The following ABCA13 variants were observed in gnomAD, a reference collection of about 807,000 sequenced individuals.
The protein encoded by ABCA13 is ATP-binding cassette sub-family A member 13.
Under a neutral mutation model 478.7 loss-of-function variants are expected in ABCA13, and 476 were observed. That is an observed-to-expected ratio of 0.99 (90% CI 0.92 to 1.07). The LOEUF (loss-of-function observed/expected upper bound fraction) is 1.07. ABCA13 is among the 50% of genes least tolerant of loss of function. The pLI is 0.00. For missense variants in ABCA13, 6,060 were observed against 5,910.6 expected (o/e 1.03, Z -0.83); for synonymous variants, 2,252 against 2,158.9 (o/e 1.04, Z -1.20).
rs1797139879 is a variant in ABCA13 at position 48,282,168 on chromosome 7, C to T, written c.8836+716C>T. On this transcript the variant is annotated intron_variant, in intron 19 of 61. Transcript: ENST00000435803. ...CTGCTAAGATGATACTTGCCAAATC[C>T]ATTCCTGCACATTTCAGTGCAATCT... Among the ~76,000 whole-genome samples, 6 of 152,306 alleles carry T rather than the reference C, an allele frequency of 3.9e-5. No individual in the cohort carries two copies. In the South Asian group the frequency reaches 1.0e-3, roughly 26 times the overall value.
At chr7:48,511,576 A>AT (rs898227524) in intron 51 of ABCA13, among the ~76,000 whole-genome samples, 5 of 152,056 alleles carry the variant, frequency 3.3e-5, no homozygotes, top group African/African-American at 1.2e-4. Context: ...GCTCTCTGGC[A>AT]TTTTTTCTCC....
intron 51 of ABCA13, among the ~76,000 whole-genome samples, chr7:48,513,943 G>T (rs1440806178): frequency 6.6e-6 from 1 of 152,080 alleles, no homozygotes; most frequent in Non-Finnish European, 1.5e-5. Flanking sequence ...CTTCATTTAG[G>T]ACAATGTCTC....
At chr7:48,458,945 G>T (rs976787989) in intron 43 of ABCA13, among the ~76,000 whole-genome samples, 2 of 152,194 alleles carry the variant, frequency 1.3e-5, no homozygotes, top group Admixed American at 6.5e-5. Context: ...GAGGGAGGAG[G>T]AGAAGTATGG....
chr7:48,642,590 C>A (rs1795172651), intron 59 of ABCA13, among the ~76,000 whole-genome samples: 1 of 152,094 alleles, frequency 6.6e-6, no homozygotes, highest in Admixed American at 6.5e-5. Flanking sequence ...CCAACACCAC[C>A]TGAGATAAGG....
At chr7:48,551,569 T>C (rs974564638) in intron 55 of ABCA13, among the ~76,000 whole-genome samples, 12 of 151,738 alleles carry the variant, frequency 7.9e-5, no homozygotes, top group African/African-American at 2.9e-4. Context: ...GCTTTTAGGT[T>C]ATTACTTTAT....
intron 55 of ABCA13, among the ~76,000 whole-genome samples, chr7:48,569,669 C>A (rs1787418590): frequency 1.3e-5 from 2 of 152,184 alleles, no homozygotes; most frequent in South Asian, 4.1e-4. Context: ...GGAATACAGG[C>A]ATCTGCCACC....
intron 55 of ABCA13, among the ~76,000 whole-genome samples, chr7:48,568,254 A>T (rs1253737286): frequency 6.6e-6 from 1 of 152,094 alleles, no homozygotes. Flanking sequence ...TGGAAATTCC[A>T]TATAAATAGG....
At chr7:48,642,373 A>G (rs568289265) in intron 59 of ABCA13, among the ~76,000 whole-genome samples, 2 of 152,288 alleles carry the variant, frequency 1.3e-5, no homozygotes, top group African/African-American at 4.8e-5. Flanking sequence ...TTCCCCCAGC[A>G]ATGCTTTGTA....
chr7:48,379,072 A>G (rs1272262847), intron 35 of ABCA13, among the ~76,000 whole-genome samples: 1 of 152,272 alleles, frequency 6.6e-6, no homozygotes, highest in Admixed American at 6.5e-5. Context: ...AATTTAAAAA[A>G]AATCAAAGCT....
At chr7:48,342,398 G>A (rs1807379994) in intron 29 of ABCA13, among the ~76,000 whole-genome samples, 1 of 152,034 alleles carries the variant, frequency 6.6e-6, no homozygotes, top group Admixed American at 6.5e-5. Flanking sequence ...TGTCCACTTA[G>A]GCTTTATATA....
At chr7:48,330,565 C>A (rs1477658920) in intron 27 of ABCA13, among the ~76,000 whole-genome samples, 1 of 145,670 alleles carries the variant, frequency 6.9e-6, no homozygotes, top group African/African-American at 2.6e-5. Context: ...ATCCACACAT[C>A]CATCCATCCA....
In ABCA13 at chr7:48,439,292, T is replaced by A. The variant is rs989036545; in HGVS notation, c.12565+11421T>A. Among the ~76,000 whole-genome samples the A allele has an allele frequency of 2.3e-4, 35 of 152,166 alleles. 1 individual carries two copies. Among genetic ancestry groups the A allele is most frequent in the Admixed American group, 2.1e-3 (32 of 15,270 alleles). ...ATCAGTTCCTTGAGGTGCCCATTTTTTGGCTGGCTGTCAGCTGGGGGCTGC... is the reference window on the plus strand; with the variant it reads ...ATCAGTTCCTTGAGGTGCCCATTTTATGGCTGGCTGTCAGCTGGGGGCTGC... On this transcript the variant is annotated intron_variant, in intron 42 of 61. Transcript: ENST00000435803.
intron 15 of ABCA13, among the ~76,000 whole-genome samples, chr7:48,268,172 A>G (rs1295237008): frequency 6.6e-6 from 1 of 151,936 alleles, no homozygotes; most frequent in Non-Finnish European, 1.5e-5. Flanking sequence ...TTATTTATTT[A>G]TTTTGAGACA....
rs185821967 is a variant in ABCA13 at position 48,542,037 on chromosome 7, T to A, written c.14354+13692T>A. On this transcript the variant is annotated intron_variant, in intron 55 of 61. Transcript: ENST00000435803. ...TATATAATTCAAGTAAAGGTACATA[T>A]GAGGCAAAGACACTACTAAATAAAA... Among the ~76,000 whole-genome samples, 115 of 151,624 alleles carry A rather than the reference T, an allele frequency of 7.6e-4. 1 individual carries two copies. The highest frequency in any genetic ancestry group is 1.3e-3 in the Non-Finnish European group (85 of 67,702).
chr7:48,232,644 T>C (rs1259904149), intron 7 of ABCA13, among the ~76,000 whole-genome samples: 1 of 152,206 alleles, frequency 6.6e-6, no homozygotes, highest in South Asian at 2.1e-4. Flanking sequence ...AAACTGTTAA[T>C]CTACACATTC....
At chr7:48,439,938 G>T (rs1823355141) in intron 42 of ABCA13, among the ~76,000 whole-genome samples, 1 of 151,996 alleles carries the variant, frequency 6.6e-6, no homozygotes, top group African/African-American at 2.4e-5. Context: ...GAGTCATTGG[G>T]GGCCACTTTA....
At chr7:48,548,898 C>T (rs1465085363) in intron 55 of ABCA13, among the ~76,000 whole-genome samples, 3 of 151,618 alleles carry the variant, frequency 2.0e-5, no homozygotes, top group African/African-American at 7.3e-5. Flanking sequence ...AGTCTACTGA[C>T]TCACACAGGA....
Position 48,227,279 on chromosome 7 carries a change from C to G in ABCA13, c.486C>G (p.Thr162=), listed in dbSNP as rs17132152. 3.2e-5 allele frequency: 52 copies of G among 1,613,544 alleles called. 1 individual carries two copies. The South Asian group carries it at 5.7e-4, about 18-fold the overall frequency. ...CCCATCAGATGGATCTCAATAAGACCGAGGAGGTAATATTGAAACTGGAAA... is the reference window on the plus strand; with the variant it reads ...CCCATCAGATGGATCTCAATAAGACGGAGGAGGTAATATTGAAACTGGAAA... ...SSFFTMDLNK[T]EEVILKLESL... Residue 162 remains threonine (T), a synonymous_variant, in exon 6 of 62, where the codon ACC becomes ACG. Transcript: ENST00000435803.
chr7:48,290,249 A>G (rs185933527), intron 20 of ABCA13, among the ~76,000 whole-genome samples: 7 of 152,326 alleles, frequency 4.6e-5, no homozygotes, highest in Non-Finnish European at 7.4e-5. Context: ...GGCTAAGCTG[A>G]GTTGGAGAAT....
Sources: allele counts gnomAD v4.1 joint callset (sites outside exome capture counted in the v4.1 genomes callset), GRCh38; gene constraint gnomAD v4.1.1; transcripts MANE v1.5; gene names NCBI Gene and HGNC (gene_info 2026-07-23, HGNC 2026-07-21).